The following LRP1B variants were observed in gnomAD, a reference collection of about 807,000 sequenced individuals.
LRP1B encodes LDL receptor related protein 1B, also known as low-density lipoprotein receptor-related protein 1B.
LRP1B carries 217 observed loss-of-function variants against 556.6 expected under a neutral mutation model. That is an observed-to-expected ratio of 0.39 (90% CI 0.35 to 0.44). The LOEUF is 0.44. LRP1B is among the 20% of genes least tolerant of loss of function. The pLI, the probability that LRP1B is intolerant of heterozygous loss-of-function variation, is 1.00. For missense variants in LRP1B, 5,053 were observed against 5,620.8 expected (o/e 0.90, Z 3.23); for synonymous variants, 2,047 against 1,865.8 (o/e 1.10, Z -2.50).
intron 53 of LRP1B, among the ~76,000 whole-genome samples, chr2:140,506,118 G>GT (rs11386363): frequency 0.23 from 34,653 of 151,648 alleles, 4,280 homozygotes; most frequent in Non-Finnish European, 0.27. Flanking sequence ...TCTGAATTAT[G>GT]TTTTTTTTAC....
rs549468276 is a variant in LRP1B, at chr2:141,417,372, A to G, written c.343+63024T>C. The stretch of plus-strand genomic sequence containing the variant: ...ATGATTATTTCTGTATCCACTCAAT[A>G]GCAACTTCCTATTTCTCTGTCCTCC... On this transcript the variant is annotated intron_variant, in intron 3 of 90. Transcript: ENST00000389484. 1.4e-3 allele frequency among the ~76,000 whole-genome samples: 214 copies of G among 152,296 alleles called. 1 individual carries two copies. Among genetic ancestry groups the G allele is most frequent in the African/African-American group, 4.1e-3 (171 of 41,562 alleles).
rs78366837 is a variant in LRP1B at position 141,281,466 on chromosome 2, A to C, written c.344-26825T>G. Among the ~76,000 whole-genome samples, 225 of 152,202 alleles carry C rather than the reference A, an allele frequency of 1.5e-3. 2 individuals are homozygous for C. In the East Asian group the frequency reaches 0.039, roughly 26 times the overall value. ...GTCTTATATAAATATGCCAATCACTAATTCTAAAACAAGATAGATTTGCCA... is the reference window on the plus strand; with the variant it reads ...GTCTTATATAAATATGCCAATCACTCATTCTAAAACAAGATAGATTTGCCA... On this transcript the variant is annotated intron_variant, in intron 3 of 90. Transcript: ENST00000389484.
At chr2:140,587,462 G>T (rs965613659) in intron 43 of LRP1B, among the ~76,000 whole-genome samples, 1 of 152,136 alleles carries the variant, frequency 6.6e-6, no homozygotes, top group Non-Finnish European at 1.5e-5. Flanking sequence ...TATGCTAAAT[G>T]AAATGAGCCA....
chr2:141,374,303 A>C (rs1689347051), intron 3 of LRP1B, among the ~76,000 whole-genome samples: 1 of 152,014 alleles, frequency 6.6e-6, no homozygotes, highest in African/African-American at 2.4e-5. Context: ...GCTAATTTTA[A>C]TATTACTTCT....
intron 66 of LRP1B, among the ~76,000 whole-genome samples, chr2:140,424,061 T>C (rs1296618500): frequency 1.3e-5 from 2 of 152,152 alleles, no homozygotes. Flanking sequence ...AAGACTCACA[T>C]GTTTTAGTCT....
chr2:140,823,410 T>C lies in LRP1B; in HGVS notation c.5210-9604A>G, dbSNP rs1057045740. The stretch of plus-strand genomic sequence containing the variant: ...ACAATAATTGCTTGCAATAAGTAAA[T>C]GAAATTACAATGAGTAAATAATGCA... On this transcript the variant is annotated intron_variant, in intron 31 of 90. Coordinates refer to ENST00000389484, the MANE Select transcript of LRP1B (RefSeq NM_018557.3). Among the ~76,000 whole-genome samples the C allele has an allele frequency of 2.0e-5, 3 of 152,138 alleles. No homozygotes were observed. In the South Asian group the frequency reaches 6.2e-4, roughly 32 times the overall value.
At chr2:140,868,052 T>A (rs2105155576) in intron 26 of LRP1B, 47 bp downstream of exon 26, 1 of 1,539,232 alleles carries the variant, frequency 6.5e-7, no homozygotes, top group Non-Finnish European at 8.7e-7. Context: ...GTTGTAAATA[T>A]TATCTAAGTA....
At chr2:140,312,037 T>G (rs1573772337) in intron 83 of LRP1B, among the ~76,000 whole-genome samples, 1 of 151,832 alleles carries the variant, frequency 6.6e-6, no homozygotes, top group East Asian at 1.9e-4. Context: ...AACCCTTGAA[T>G]GAATGAGAAG....
At chr2:141,506,061 T>C (rs1213126594) in intron 2 of LRP1B, among the ~76,000 whole-genome samples, 3 of 152,036 alleles carry the variant, frequency 2.0e-5, no homozygotes, top group Admixed American at 1.3e-4. Context: ...TCCTAATCAT[T>C]TGTCATTAGA....
Position 141,722,729 on chromosome 2 carries a change from CATAGATAGATAG to C in LRP1B, c.205+87538_205+87549del, listed in dbSNP as rs58081113. On this transcript the variant is annotated intron_variant, in intron 2 of 90. Transcript: ENST00000389484. Reference sequence around the variant, plus strand: ...AGACAGATAGACAGGCAGATAGATACATAGATAGATAGATAGATAGATAGATAGATAGATAGA... The same window carrying C: ...AGACAGATAGACAGGCAGATAGATACATAGATAGATAGATAGATAGATAGA... Among the ~76,000 whole-genome samples the C allele has an allele frequency of 8.3e-3, 1,206 of 146,084 alleles. 23 individuals are homozygous for C. Among genetic ancestry groups the C allele is most frequent in the Admixed American group, 0.032 (471 of 14,580 alleles).
chr2:140,246,665 T>A (rs1052727919), intron 87 of LRP1B, among the ~76,000 whole-genome samples: 2 of 151,516 alleles, frequency 1.3e-5, no homozygotes, highest in African/African-American at 4.8e-5. Context: ...GACTAACCAA[T>A]AAAGTCTGTC....
intron 1 of LRP1B, among the ~76,000 whole-genome samples, chr2:141,866,037 A>T (rs1698401643): frequency 1.3e-5 from 2 of 152,380 alleles, no homozygotes; most frequent in South Asian, 2.1e-4. Context: ...TTCACTGAGC[A>T]GAGCTGGAGA....
At chr2:141,538,371 T>A (rs1405134507) in intron 2 of LRP1B, among the ~76,000 whole-genome samples, 1 of 152,176 alleles carries the variant, frequency 6.6e-6, no homozygotes, top group Non-Finnish European at 1.5e-5. Flanking sequence ...ATGACAAGAA[T>A]ACGATGGTAA....
At chr2:141,798,705 CAAAAAAAAAAAAAA>C (rs151310050) in intron 2 of LRP1B, among the ~76,000 whole-genome samples, 4 of 62,116 alleles carry the variant, frequency 6.4e-5, no homozygotes, top group Middle Eastern at 0.016. Context: ...GACTCTGTCT[CAAAAAAAAAAAAAA>C]AAAAAAAAAA....
chr2:141,320,608 C>G (rs142121987), intron 3 of LRP1B, among the ~76,000 whole-genome samples: 3,257 of 152,128 alleles, frequency 0.021, 58 homozygotes, highest in South Asian at 0.035. Flanking sequence ...AACCTGCAGC[C>G]TGAAACTGCC....
intron 86 of LRP1B, among the ~76,000 whole-genome samples, chr2:140,252,364 C>T (rs1681474687): frequency 6.6e-6 from 1 of 151,822 alleles, no homozygotes; most frequent in Admixed American, 6.6e-5. Context: ...TGTGCTAGAT[C>T]CTAGTATAGG....
At chr2:140,469,098 C>T (rs1480913367) in intron 60 of LRP1B, among the ~76,000 whole-genome samples, 1 of 152,136 alleles carries the variant, frequency 6.6e-6, no homozygotes, top group Non-Finnish European at 1.5e-5. Context: ...ATAAGAAGGA[C>T]ATGAATATTG....
chr2:140,266,349 A>G lies in LRP1B; in HGVS notation c.13247+3893T>C, dbSNP rs569470342. 2.6e-5 allele frequency among the ~76,000 whole-genome samples: 4 copies of G among 151,984 alleles called. No individual in the cohort carries two copies. In the South Asian group the frequency reaches 8.3e-4, roughly 32 times the overall value. On this transcript the variant is annotated intron_variant, in intron 86 of 90. Transcript: ENST00000389484. ...CTGTCTGGAGTTGATACTCATTGGCACTCTACTCCTTTGATTTGTAGGAAT... is the reference window on the plus strand; with the variant it reads ...CTGTCTGGAGTTGATACTCATTGGCGCTCTACTCCTTTGATTTGTAGGAAT...
At position 140,850,456 on chromosome 2, in the gene LRP1B, C is replaced by T. The variant is rs1039554596; in HGVS notation, c.4712-127G>A. 3.7e-5 allele frequency: 22 copies of T among 588,096 alleles called. No individual in the cohort carries two copies. In the East Asian group the frequency reaches 6.2e-4, roughly 16 times the overall value. The allele number at this position is 588,096 out of a possible 1,614,324, so 36.4% of individuals were successfully genotyped here. A position where few individuals can be genotyped will look rare whatever the true frequency, so the allele number is the denominator to read the frequency against. The stretch of plus-strand genomic sequence containing the variant: ...AATCACAATCAATATTTGATGGAAA[C>T]AATGCAGTAACAATTTATCTATTTT... On this transcript the variant is annotated intron_variant, in intron 28 of 90. Transcript: ENST00000389484.
Sources: gnomAD v4.1 joint callset for allele counts (sites outside exome capture counted in the v4.1 genomes callset) on GRCh38, gnomAD v4.1.1 for gene constraint, MANE v1.5 for transcripts, NCBI Gene and HGNC (gene_info 2026-07-23, HGNC 2026-07-21) for gene names.